Variants in CRACDL observed in about 807,000 individuals in gnomAD.
CRACDL encodes CRACD-like protein.
Under a neutral mutation model 70.6 loss-of-function variants are expected in CRACDL, and 26 were observed. The observed-to-expected ratio is 0.37, with a 90% confidence interval of 0.27 to 0.51. The LOEUF is 0.51. Among genes scored for constraint, CRACDL ranks in the 20% least tolerant of loss-of-function variants. CRACDL has a pLI of 0.94. For synonymous variants in CRACDL, 618 were observed against 615.2 expected, an observed-to-expected ratio of 1.00 and a Z score of -0.07; for missense variants, 1,283 against 1,376.9, an observed-to-expected ratio of 0.93 and a Z score of 1.08.
At chr2:98,854,441 TA>T (rs562025533) in intron 1 of CRACDL, among the ~76,000 whole-genome samples, 1 of 151,778 alleles carries the variant, frequency 6.6e-6, no homozygotes, top group Non-Finnish European at 1.5e-5. Context: ...TACAGATGCC[TA>T]AAAAAACCAT....
At chr2:98,819,868 G>A (rs1203919764) in intron 7 of CRACDL, among the ~76,000 whole-genome samples, 1 of 134,466 alleles carries the variant, frequency 7.4e-6, no homozygotes, top group Non-Finnish European at 1.5e-5. Context: ...CACCCAGGCT[G>A]GAGTGCAGTG....
intron 1 of CRACDL, among the ~76,000 whole-genome samples, chr2:98,905,908 T>C (rs1302462237): frequency 2.0e-5 from 3 of 152,010 alleles, no homozygotes; most frequent in African/African-American, 7.2e-5. Flanking sequence ...TGAGTCACCA[T>C]GCCCGGCCTA....
At chr2:98,902,000 G>A (rs183348474) in intron 1 of CRACDL, among the ~76,000 whole-genome samples, 2 of 152,160 alleles carry the variant, frequency 1.3e-5, no homozygotes, top group East Asian at 1.9e-4. Flanking sequence ...AAAGCGGGAC[G>A]TCATAGATGG....
At chr2:98,842,296 T>C (rs1706062846) in intron 2 of CRACDL, among the ~76,000 whole-genome samples, 1 of 151,834 alleles carries the variant, frequency 6.6e-6, no homozygotes, top group Admixed American at 6.5e-5. Context: ...CGCATTTTAA[T>C]AATTACATTT....
At chr2:98,828,167 CACT>C (rs1393472672) in intron 5 of CRACDL, among the ~76,000 whole-genome samples, 2 of 152,168 alleles carry the variant, frequency 1.3e-5, no homozygotes, top group African/African-American at 4.8e-5. Flanking sequence ...CCAGCTCCAC[CACT>C]GAGTGAGGTC....
chr2:98,795,892 C>A (rs555018120), intron 9 of CRACDL, among the ~76,000 whole-genome samples: 1 of 152,158 alleles, frequency 6.6e-6, no homozygotes, highest in African/African-American at 2.4e-5. Context: ...TTTAAGTAGA[C>A]CTGTGCAGTT....
At chr2:98,866,472 C>CTT (rs869154325) in intron 1 of CRACDL, among the ~76,000 whole-genome samples, 3 of 107,802 alleles carry the variant, frequency 2.8e-5, no homozygotes, top group African/African-American at 7.0e-5. Flanking sequence ...ACAATCACTT[C>CTT]TTCTTTTTTT....
chr2:98,857,307 T>C (rs1706737281), intron 1 of CRACDL, among the ~76,000 whole-genome samples: 1 of 152,200 alleles, frequency 6.6e-6, no homozygotes, highest in Admixed American at 6.5e-5. Context: ...TGAATATATT[T>C]TTGTTCTCTC....
intron 7 of CRACDL, among the ~76,000 whole-genome samples, chr2:98,802,629 C>A (rs1704124898): frequency 1.3e-5 from 2 of 152,308 alleles, no homozygotes; most frequent in South Asian, 4.1e-4. Flanking sequence ...TCTTTTAGTG[C>A]CTATTAAAAT....
At chr2:98,802,462 G>A (rs1242922861) in intron 7 of CRACDL, among the ~76,000 whole-genome samples, 1 of 151,870 alleles carries the variant, frequency 6.6e-6, no homozygotes, top group Non-Finnish European at 1.5e-5. Flanking sequence ...ACCCACATTT[G>A]GCATTATTAC....
chr2:98,896,495 G>C (rs145790223), intron 1 of CRACDL, among the ~76,000 whole-genome samples: 28 of 152,188 alleles, frequency 1.8e-4, no homozygotes, highest in South Asian at 4.2e-4. Context: ...TCACCTTAAG[G>C]GGCAAGTCTG....
At position 98,794,535 on chromosome 2, in the gene CRACDL, T is replaced by C. The variant is rs1703718565; in HGVS notation, c.2886A>G (p.Lys962=). ...QAWSDMPQII[K] Reference sequence around the variant, plus strand: ...GCTTTATCAGCACACTGCCCACCTATTTTATAATCTGGGGCATGTCACTCC... The same window carrying C: ...GCTTTATCAGCACACTGCCCACCTACTTTATAATCTGGGGCATGTCACTCC... Residue 962 remains lysine, a synonymous_variant, in exon 10 of 10, where the codon AAA becomes AAG. Coordinates refer to ENST00000397899, the MANE Select transcript of CRACDL (RefSeq NM_207362.3). 1.2e-6 allele frequency: 2 copies of C among 1,613,978 alleles called. No homozygotes were observed. The highest frequency in any genetic ancestry group is 1.7e-6 in the Non-Finnish European group (2 of 1,179,880).
chr2:98,869,034 C>T (rs1029572272), intron 1 of CRACDL: 1 of 1,257,322 alleles, frequency 8.0e-7, no homozygotes, highest in African/African-American at 1.5e-5. Flanking sequence ...CCTCCCCTCC[C>T]TCGCGACTCT....
intron 1 of CRACDL, among the ~76,000 whole-genome samples, chr2:98,848,330 A>T (rs911039138): frequency 7.2e-5 from 11 of 152,128 alleles, no homozygotes; most frequent in Non-Finnish European, 1.3e-4. Flanking sequence ...GTCAGTCAGC[A>T]ACCCCCTCAT....
intron 1 of CRACDL, among the ~76,000 whole-genome samples, chr2:98,907,001 G>GT (rs1486826489): frequency 3.3e-5 from 5 of 152,118 alleles, no homozygotes; most frequent in Admixed American, 6.6e-5. Context: ...GATTGGAACT[G>GT]TAAGTCTTGG....
intron 7 of CRACDL, among the ~76,000 whole-genome samples, chr2:98,811,493 G>A (rs1230702281): frequency 4.8e-5 from 7 of 144,350 alleles, no homozygotes; most frequent in African/African-American, 1.6e-4. Flanking sequence ...ACTCCAGCCT[G>A]GTGACAGAGC....
chr2:98,860,479 T>C (rs977002507), intron 1 of CRACDL, among the ~76,000 whole-genome samples: 3 of 152,236 alleles, frequency 2.0e-5, no homozygotes, highest in Admixed American at 1.3e-4. Flanking sequence ...CATACTCTTA[T>C]GGCCAATTGA....
Position 98,822,156 on chromosome 2 carries a change from A to G in CRACDL, c.2117T>C (p.Val706Ala). The G allele has an allele frequency of 6.2e-7, 1 of 1,607,116 alleles. No homozygotes were observed. Among genetic ancestry groups the G allele is most frequent in the Non-Finnish European group, 8.5e-7 (1 of 1,177,174 alleles). ...RDGASQEVKGVKRYSAEVRLE... is the reference protein window; with the variant it reads ...RDGASQEVKGAKRYSAEVRLE... ...CCGGACCTCGGCACTGTACCTCTTC[A>G]CACCCTTCACCTCCTGAGAGGCGCC... Residue 706 changes from valine (V) to alanine (A), a missense_variant, in exon 7 of 10, where the codon GTG becomes GCG. Physicochemically the swap from Val to Ala is moderately conservative, Grantham distance 64 (BLOSUM62 0). This residue lies in a region of CRACDL where 921 missense variants were observed against 881.9 expected (regional missense o/e 1.04). Coordinates refer to ENST00000397899, the MANE Select transcript of CRACDL (RefSeq NM_207362.3). The surrounding 1 kb of genome is among the most constrained non-coding windows in gnomAD (Gnocchi z 4.9).
At chr2:98,870,681 C>G (rs890702683) in intron 1 of CRACDL, among the ~76,000 whole-genome samples, 1 of 152,222 alleles carries the variant, frequency 6.6e-6, no homozygotes, top group African/African-American at 2.4e-5. Flanking sequence ...CCCAGCAACA[C>G]GAGCTGGCCA....
Sources: gnomAD v4.1 joint callset for allele counts (sites outside exome capture counted in the v4.1 genomes callset) on GRCh38, gnomAD v4.1.1 for gene constraint, gnomAD v4.1.1 regional missense constraint, Gnocchi (gnomAD v3.1) non-coding constraint, MANE v1.5 for transcripts, NCBI Gene and HGNC (gene_info 2026-07-23, HGNC 2026-07-21) for gene names.